The following NTMT2 variants were observed in gnomAD, a reference collection of about 807,000 sequenced individuals.
NTMT2 encodes X-Pro-Lys N-terminal protein methyltransferase 1B.
A neutral mutation model predicts 23.4 loss-of-function variants in NTMT2; 21 were observed. That is an observed-to-expected ratio of 0.90 (90% confidence interval 0.64 to 1.29). The LOEUF is 1.29. NTMT2 is among the 50% of genes most tolerant of loss of function. NTMT2 has a pLI of 0.00. For missense variants in NTMT2, 336 were observed against 352.0 expected (o/e 0.95, Z 0.36); for synonymous variants, 131 against 127.7 (o/e 1.03, Z -0.17).
At chr1:170,147,524 A>G (rs1346084718) in intron 1 of NTMT2, among the ~76,000 whole-genome samples, 1 of 152,168 alleles carries the variant, frequency 6.6e-6, no homozygotes, top group Admixed American at 6.5e-5. Flanking sequence ...CGTATAATAC[A>G]TCTCATCTAT....
intron 1 of NTMT2, among the ~76,000 whole-genome samples, chr1:170,158,886 G>T (rs1010643125): frequency 2.0e-5 from 3 of 151,874 alleles, no homozygotes; most frequent in Non-Finnish European, 4.4e-5. Flanking sequence ...ATTTATGGAT[G>T]TGCCTGTTCT....
chr1:170,165,927 A>C (rs950560052), intron 2 of NTMT2, among the ~76,000 whole-genome samples: 9 of 151,872 alleles, frequency 5.9e-5, no homozygotes, highest in Non-Finnish European at 1.3e-4. Context: ...TTTTTGGATA[A>C]ATAAAGAAAG....
chr1:170,165,692 A>G (rs1278365111), intron 2 of NTMT2, among the ~76,000 whole-genome samples: 1 of 152,228 alleles, frequency 6.6e-6, no homozygotes, highest in African/African-American at 2.4e-5. Flanking sequence ...TTTAAAACTC[A>G]GAAAGGTTCT....
At chr1:170,167,428 C>A in intron 3 of NTMT2, 58 bp from the exon 4 acceptor site, 1 of 1,437,048 alleles carries the variant, frequency 7.0e-7, no homozygotes, top group East Asian at 2.5e-5. Context: ...TCCCTACTCA[C>A]CTTCCATCCT....
At chr1:170,161,382 A>C (rs1673270209) in intron 2 of NTMT2, among the ~76,000 whole-genome samples, 1 of 152,130 alleles carries the variant, frequency 6.6e-6, no homozygotes, top group Non-Finnish European at 1.5e-5. Context: ...ACTATTTTAT[A>C]CATAGTTTTG....
intron 1 of NTMT2, among the ~76,000 whole-genome samples, chr1:170,150,591 A>G (rs1437383601): frequency 6.6e-6 from 1 of 152,204 alleles, no homozygotes; most frequent in Non-Finnish European, 1.5e-5. Context: ...ACATAATACA[A>G]TGTAAATGAA....
chr1:170,167,250 T>C (rs1673413075), intron 3 of NTMT2, among the ~76,000 whole-genome samples: 1 of 152,140 alleles, frequency 6.6e-6, no homozygotes, highest in South Asian at 2.1e-4. Flanking sequence ...CTCATGCCTA[T>C]GAGGTCGACA....
At chr1:170,147,427 A>C (rs1672988388) in intron 1 of NTMT2, among the ~76,000 whole-genome samples, 1 of 152,186 alleles carries the variant, frequency 6.6e-6, no homozygotes, top group African/African-American at 2.4e-5. Context: ...ATGATATTTA[A>C]TCTAGATAGA....
chr1:170,160,179 A>G (rs190762603), intron 1 of NTMT2, among the ~76,000 whole-genome samples: 3 of 152,366 alleles, frequency 2.0e-5, no homozygotes, highest in Admixed American at 2.0e-4. Flanking sequence ...AATTGATGAC[A>G]TTCTTTACAT....
chr1:170,146,914 T>C (rs1327297925), intron 1 of NTMT2, among the ~76,000 whole-genome samples: 1 of 152,226 alleles, frequency 6.6e-6, no homozygotes, highest in Non-Finnish European at 1.5e-5. Context: ...CTCTACTTTT[T>C]TCAGCCTCTG....
At chr1:170,151,939 T>G (rs1673077458) in intron 1 of NTMT2, among the ~76,000 whole-genome samples, 3 of 152,224 alleles carry the variant, frequency 2.0e-5, no homozygotes, top group Admixed American at 6.5e-5. Flanking sequence ...TTACTATTTT[T>G]TAATTATTTG....
At position 170,146,046 on chromosome 1, in the gene NTMT2, T is replaced by C; in HGVS notation, c.-62T>C. Reference sequence around the variant, plus strand: ...AGTTCATTTAGAAAGAGAAGGCTAATTCAAAGAAACAGCAAGGCAAGCTTC... The same window carrying C: ...AGTTCATTTAGAAAGAGAAGGCTAACTCAAAGAAACAGCAAGGCAAGCTTC... On this transcript the variant is annotated 5_prime_UTR_variant, in exon 1 of 4. Coordinates refer to ENST00000439373, the MANE Select transcript of NTMT2 (RefSeq NM_001136107.2). 2 of 1,455,108 alleles carry C rather than the reference T, an allele frequency of 1.4e-6. No individual in the cohort carries two copies. Among genetic ancestry groups the C allele is most frequent in the South Asian group, 2.6e-5 (2 of 77,580 alleles). 90.1% of individuals were successfully genotyped at this position (1,455,108 alleles called of 1,614,324 possible). A position where few individuals can be genotyped will look rare whatever the true frequency, so the allele number is the denominator to read the frequency against.
At position 170,168,639 on chromosome 1, in the gene NTMT2, G is replaced by A. The variant is rs979712270; in HGVS notation, c.*882G>A. ...GAAGTATCTCCTTTCAGGAGAAAAT[G>A]TTGTGCCCTGAAATTTCAACCTTTA... On this transcript the variant is annotated 3_prime_UTR_variant, in exon 4 of 4. Transcript: ENST00000439373. Among the ~76,000 whole-genome samples, 2 of 152,224 alleles carry A rather than the reference G, an allele frequency of 1.3e-5. No homozygotes were observed. Among genetic ancestry groups the A allele is most frequent in the African/African-American group, 2.4e-5 (1 of 41,460 alleles).
intron 2 of NTMT2, among the ~76,000 whole-genome samples, chr1:170,161,446 T>C (rs1673271106): frequency 6.6e-6 from 1 of 152,204 alleles, no homozygotes; most frequent in Non-Finnish European, 1.5e-5. Flanking sequence ...GGTCAACCCC[T>C]ATTACTTCCT....
Position 170,166,546 on chromosome 1 carries a change from C to G in NTMT2, c.375C>G (p.Ser125=). The change falls in exon 3 of 4, where the codon TCC becomes TCG. Residue 125 remains serine, a synonymous_variant. Coordinates refer to ENST00000439373, the MANE Select transcript of NTMT2 (RefSeq NM_001136107.2). ...CAGACTGCGCCTTGGACTGCGGCTCCGGGATAGGAAGGGTCAGCAAACACG... is the reference window on the plus strand; with the variant it reads ...CAGACTGCGCCTTGGACTGCGGCTCGGGGATAGGAAGGGTCAGCAAACACG... ...AGTDCALDCG[S]GIGRVSKHVL... 6.4e-7 allele frequency: 1 copy of G among 1,552,236 alleles called. No homozygotes were observed. Among genetic ancestry groups the G allele is most frequent in the South Asian group, 1.2e-5 (1 of 84,052 alleles).
chr1:170,160,822 G>A (rs753437087), intron 2 of NTMT2, 129 bp downstream of exon 2: 8 of 724,234 alleles, frequency 1.1e-5, no homozygotes, highest in Non-Finnish European at 1.7e-5. Flanking sequence ...CCGCCTGCAA[G>A]CCGGTTTTAA....
rs1673257130 is a variant in NTMT2 at position 170,160,594 on chromosome 1, A to G, written c.231A>G (p.Gln77=). The G allele has an allele frequency of 3.9e-6, 6 of 1,551,648 alleles. No individual in the cohort carries two copies. The highest frequency in any genetic ancestry group is 1.2e-5 in the South Asian group (1 of 84,042). The change falls in exon 2 of 4, where the codon CAA becomes CAG. Residue 77 remains glutamine (Q), a synonymous_variant. Coordinates refer to ENST00000439373, the MANE Select transcript of NTMT2 (RefSeq NM_001136107.2). ...ATGCCAGAGCTAAACTTTTCTACCA[A>G]GAAGTACCAGCCACAGAAGAGGGTA... The part of the protein sequence containing the change: ...QFYARAKLFY[Q]EVPATEEGMM...
intron 1 of NTMT2, among the ~76,000 whole-genome samples, chr1:170,153,029 C>A (rs1261155872): frequency 1.3e-5 from 2 of 152,052 alleles, no homozygotes; most frequent in East Asian, 3.9e-4. Context: ...AATTGTGTGG[C>A]ACTTCACCCC....
In NTMT2 at chr1:170,166,464, G is replaced by T. The variant is rs934824888; in HGVS notation, c.331-38G>T. 2.0e-5 allele frequency: 31 copies of T among 1,550,098 alleles called. No homozygotes were observed. In the Middle Eastern group the frequency reaches 1.4e-3, roughly 71 times the overall value. ...CCTGGGTGTGCAATTTTCAAGGATG[G>T]GTCTCTGTACTTGAAATATCAAGGT... On this transcript the variant is annotated intron_variant, in intron 2 of 3. Coordinates refer to ENST00000439373, the MANE Select transcript of NTMT2 (RefSeq NM_001136107.2).
Sources: allele counts gnomAD v4.1 joint callset (sites outside exome capture counted in the v4.1 genomes callset), GRCh38; gene constraint gnomAD v4.1.1; transcripts MANE v1.5; gene names NCBI Gene and HGNC (gene_info 2026-07-23, HGNC 2026-07-21).